Variants in IPO7 observed in about 807,000 individuals in gnomAD.
The protein encoded by IPO7 is importin-7.
A neutral mutation model predicts 136.4 loss-of-function variants in IPO7; 13 were observed. The observed-to-expected ratio is 0.10, with a 90% CI of 0.06 to 0.15. The LOEUF (loss-of-function observed/expected upper bound fraction) is 0.15, where lower values mean the gene tolerates loss of function less well. Among genes scored for constraint, IPO7 ranks in the 10% least tolerant of loss-of-function variants. The pLI, the probability that IPO7 is intolerant of heterozygous loss-of-function variation, is 1.00. For missense variants in IPO7, 857 were observed against 1,240.6 expected (o/e 0.69, Z 4.65); for synonymous variants, 403 against 404.4 (o/e 1.00, Z 0.04).
In IPO7 at chr11:9,384,909, C is replaced by T. The variant is rs1007140449; in HGVS notation, c.84+62C>T. 7.9e-5 allele frequency: 105 copies of T among 1,324,950 alleles called. No homozygotes were observed. In the East Asian group the frequency reaches 2.5e-3, roughly 32 times the overall value. 82.1% of individuals were successfully genotyped at this position (1,324,950 alleles called of 1,614,324 possible). ...GGGTGGGCAGAAGTGGCAGGCCGAG[C>T]CCCCGGGGCCTGGCCGGAGGCGCGG... On this transcript the variant is annotated intron_variant, in intron 1 of 24. Coordinates refer to ENST00000379719, the MANE Select transcript of IPO7 (RefSeq NM_006391.3).
At chr11:9,424,379 A>G (rs1017904065) in intron 10 of IPO7, among the ~76,000 whole-genome samples, 2 of 152,196 alleles carry the variant, frequency 1.3e-5, no homozygotes, top group African/African-American at 4.8e-5. Context: ...CATACATACG[A>G]TTTAAACTGC....
chr11:9,396,506 C>T (rs1038323750), intron 1 of IPO7, among the ~76,000 whole-genome samples: 2 of 152,198 alleles, frequency 1.3e-5, no homozygotes, highest in Non-Finnish European at 2.9e-5. Flanking sequence ...AGTTGTACAG[C>T]CATCACCCAA....
intron 20 of IPO7, 135 bp downstream of exon 20, chr11:9,436,501 A>G (rs1855370764): frequency 1.8e-6 from 1 of 568,116 alleles, no homozygotes; most frequent in Non-Finnish European, 3.1e-6. Flanking sequence ...TAATATTTTT[A>G]GTTCAAAATG....
chr11:9,424,678 G>A (rs144218522), intron 10 of IPO7, among the ~76,000 whole-genome samples: 16 of 152,302 alleles, frequency 1.1e-4, no homozygotes, highest in Non-Finnish European at 2.1e-4. Context: ...GGGAGATGGA[G>A]GTTACAATGA....
rs1482253532 is a variant in IPO7, at chr11:9,400,465, A to G, written c.85-2825A>G. Reference sequence around the variant, plus strand: ...CTGAGACCTAATCTCGCTGTCGCCCAGGCTGGAGTGCGGTGGCGCGATCTC... The same window carrying G: ...CTGAGACCTAATCTCGCTGTCGCCCGGGCTGGAGTGCGGTGGCGCGATCTC... On this transcript the variant is annotated intron_variant, in intron 1 of 24. Coordinates refer to ENST00000379719, the MANE Select transcript of IPO7 (RefSeq NM_006391.3). Among the ~76,000 whole-genome samples, 9 of 151,780 alleles carry G rather than the reference A, an allele frequency of 5.9e-5. No homozygotes were observed. The East Asian group carries it at 1.8e-3, about 30-fold the overall frequency.
At chr11:9,397,403 A>T (rs1269145926) in intron 1 of IPO7, among the ~76,000 whole-genome samples, 3 of 134,214 alleles carry the variant, frequency 2.2e-5, no homozygotes, top group African/African-American at 8.4e-5. Flanking sequence ...AAATTTTTTT[A>T]AATTTTCTGT....
chr11:9,404,991 G>A (rs1456134882), intron 2 of IPO7, among the ~76,000 whole-genome samples: 2 of 152,074 alleles, frequency 1.3e-5, no homozygotes, highest in Non-Finnish European at 1.5e-5. Flanking sequence ...TTCATTTTCA[G>A]TGACTAAAAT....
At chr11:9,425,431 A>C in intron 12 of IPO7, 169 bp downstream of exon 12, 1 of 590,360 alleles carries the variant, frequency 1.7e-6, no homozygotes, top group Non-Finnish European at 3.0e-6. Context: ...ACATAGTGAT[A>C]CCCCCATCTC....
At chr11:9,429,540 C>T (rs1855263201) in intron 14 of IPO7, 134 bp from the exon 15 acceptor site, 2 of 551,382 alleles carry the variant, frequency 3.6e-6, no homozygotes, top group Non-Finnish European at 6.1e-6. Flanking sequence ...TTGTAAAAAG[C>T]CATAATCCTA....
At chr11:9,440,361 T>C in intron 22 of IPO7, 94 bp from the exon 23 acceptor site, 1 of 978,420 alleles carries the variant, frequency 1.0e-6, no homozygotes, top group East Asian at 2.5e-5. Flanking sequence ...CACTTGTGAC[T>C]TGTAATTTAC....
intron 24 of IPO7, among the ~76,000 whole-genome samples, chr11:9,442,847 ACT>A (rs1489103532): frequency 6.6e-6 from 1 of 151,696 alleles, no homozygotes; most frequent in Non-Finnish European, 1.5e-5. Context: ...ACATGACCAA[ACT>A]CTGTCTCTAC....
intron 1 of IPO7, among the ~76,000 whole-genome samples, chr11:9,385,957 G>GTT (rs1366531788): frequency 1.3e-5 from 2 of 152,146 alleles, no homozygotes; most frequent in Non-Finnish European, 2.9e-5. Flanking sequence ...GAACTTTAGT[G>GTT]TACATTTTTT....
intron 8 of IPO7, among the ~76,000 whole-genome samples, chr11:9,422,273 A>G (rs1369029717): frequency 6.6e-6 from 1 of 152,168 alleles, no homozygotes; most frequent in Non-Finnish European, 1.5e-5. Flanking sequence ...AAATAAATAA[A>G]TAAACAAATA....
chr11:9,443,986 C>T (rs1855493663), intron 24 of IPO7, among the ~76,000 whole-genome samples: 2 of 146,246 alleles, frequency 1.4e-5, no homozygotes, highest in South Asian at 4.4e-4. Flanking sequence ...TTTAAAAGTA[C>T]ATTTTAAGCC....
chr11:9,421,938 C>A (rs1054612552), intron 8 of IPO7, among the ~76,000 whole-genome samples: 1 of 150,938 alleles, frequency 6.6e-6, no homozygotes, highest in Non-Finnish European at 1.5e-5. Flanking sequence ...AGCAAGACTC[C>A]GTCTCAAAAA....
In IPO7 at chr11:9,384,735, G is replaced by A. The variant is rs773365884; in HGVS notation, c.-29G>A. 4.5e-6 allele frequency: 7 copies of A among 1,560,472 alleles called. No individual in the cohort carries two copies. The South Asian group carries it at 8.2e-5, about 18-fold the overall frequency. ...CTATTCCTGGCCCAGTAGCACCCGA[G>A]CCCCGGGTTTGACCGAGTCCGCGCT... On this transcript the variant is annotated 5_prime_UTR_variant, in exon 1 of 25. Coordinates refer to ENST00000379719, the MANE Select transcript of IPO7 (RefSeq NM_006391.3).
chr11:9,402,913 C>G (rs993060524), intron 1 of IPO7: 1 of 223,826 alleles, frequency 4.5e-6, no homozygotes, highest in African/African-American at 2.4e-5. Flanking sequence ...CTCAGCTACC[C>G]GGGAGGCTGA....
At chr11:9,439,137 C>G (rs556467721) in intron 22 of IPO7, among the ~76,000 whole-genome samples, 1 of 151,962 alleles carries the variant, frequency 6.6e-6, no homozygotes, top group African/African-American at 2.4e-5. Context: ...TCCTTTGAGA[C>G]GGAGTTTTGC....
chr11:9,395,891 A>T (rs1564991518), intron 1 of IPO7, among the ~76,000 whole-genome samples: 1 of 145,572 alleles, frequency 6.9e-6, no homozygotes, highest in Non-Finnish European at 1.5e-5. Context: ...TAATTTTTGT[A>T]TTTTTTTTTT....
Sources: allele counts gnomAD v4.1 joint callset (sites outside exome capture counted in the v4.1 genomes callset), GRCh38; gene constraint gnomAD v4.1.1; transcripts MANE v1.5; gene names NCBI Gene and HGNC (gene_info 2026-07-23, HGNC 2026-07-21).